JAKMIP3: variants seen among roughly 807,000 people sequenced by gnomAD.
JAKMIP3 encodes janus kinase and microtubule-interacting protein 3.
A neutral mutation model predicts 118.5 loss-of-function variants in JAKMIP3; 58 were observed. That is an observed-to-expected ratio of 0.49 (90% CI 0.40 to 0.61). The LOEUF (loss-of-function observed/expected upper bound fraction) is 0.61, where lower values mean the gene tolerates loss of function less well. JAKMIP3 is among the 20% of genes least tolerant of loss of function. JAKMIP3 has a pLI of 0.00. For synonymous variants in JAKMIP3, 486 were observed against 451.2 expected (o/e 1.08, Z -0.98); for missense variants, 950 against 1,109.0 (o/e 0.86, Z 2.04).
At chr10:132,102,527 G>T (rs1193643051) in intron 1 of JAKMIP3, among the ~76,000 whole-genome samples, 1 of 152,224 alleles carries the variant, frequency 6.6e-6, no homozygotes, top group Non-Finnish European at 1.5e-5. Flanking sequence ...CCCCATCCAG[G>T]TGGAGGCCGG....
Position 132,184,526 on chromosome 10 carries a change from GC to G in JAKMIP3, c.*3274del, listed in dbSNP as rs1427741875. On this transcript the variant is annotated 3_prime_UTR_variant, in exon 24 of 24. Coordinates refer to ENST00000684848, the MANE Select transcript of JAKMIP3 (RefSeq NM_001323087.2). ...TTGTTTACTGTATATTTTTTAAAAA[GC>G]TTTATTGTAAATTTATGCAAAAACT... 2 of 152,162 alleles carry G rather than the reference GC, an allele frequency of 1.3e-5. No individual in the cohort carries two copies. The highest frequency in any genetic ancestry group is 2.4e-5 in the African/African-American group (1 of 41,448). 9.4% of individuals were successfully genotyped at this position (152,162 alleles called of 1,614,324 possible).
chr10:132,134,962 C>T (rs2051445628), intron 4 of JAKMIP3, 79 bp from the exon 5 acceptor site: 6 of 1,552,162 alleles, frequency 3.9e-6, no homozygotes, highest in African/African-American at 2.7e-5. Context: ...CGTTTTTGTT[C>T]CCGTAGCGTG....
intron 1 of JAKMIP3, among the ~76,000 whole-genome samples, chr10:132,053,953 C>G (rs1424764691): frequency 6.7e-6 from 1 of 149,066 alleles, no homozygotes; most frequent in Non-Finnish European, 1.5e-5. Flanking sequence ...GGCAGGAGAA[C>G]AGCATGAACC....
Position 132,168,293 on chromosome 10 carries a change from A to G in JAKMIP3, c.*363A>G. ...GCAGGGGTGAGAACTGCTTCTGTGC[A>G]GAAGCACCAGCCGCGGGTCCCCTCC... On this transcript the variant is annotated 3_prime_UTR_variant, in exon 23 of 24. Coordinates refer to ENST00000684848, the MANE Select transcript of JAKMIP3 (RefSeq NM_001323087.2). The G allele has an allele frequency of 1.6e-6, 2 of 1,289,512 alleles. No homozygotes were observed. The highest frequency in any genetic ancestry group is 2.0e-6 in the Non-Finnish European group (2 of 988,798). The allele number at this position is 1,289,512 out of a possible 1,614,324, so 79.9% of individuals were successfully genotyped here. A position where few individuals can be genotyped will look rare whatever the true frequency, so the allele number is the denominator to read the frequency against.
chr10:132,147,872 C>T (rs1271439751), intron 13 of JAKMIP3, 80 bp from the exon 14 acceptor site: 12 of 1,023,798 alleles, frequency 1.2e-5, no homozygotes, highest in African/African-American at 1.1e-4. Context: ...GCAGCTGTCC[C>T]GTCAGCCTGG....
intron 23 of JAKMIP3, among the ~76,000 whole-genome samples, chr10:132,177,399 G>A (rs140915828): frequency 3.3e-5 from 5 of 152,372 alleles, no homozygotes; most frequent in African/African-American, 9.6e-5. Context: ...TGGGGGGAGT[G>A]TGCCTGTGCA....
chr10:132,090,495 C>T (rs964932006), intron 1 of JAKMIP3, among the ~76,000 whole-genome samples: 17 of 152,258 alleles, frequency 1.1e-4, no homozygotes, highest in East Asian at 3.9e-4. Flanking sequence ...AGTTTATTTG[C>T]GTAGAGGTGT....
rs1347001720 is a variant in JAKMIP3, at chr10:132,180,714, T to TGTGCGC, written c.*1104-1640_*1104-1639insCGCGTG. ...GTGCGTGCGTGTGTGTGTGCGCGTG[T>TGTGCGC]GTGTGCGTGTGTGTGCGTGTGTGCG... is the stretch of plus-strand genomic sequence containing the variant. On this transcript the variant is annotated intron_variant, in intron 23 of 23. Coordinates refer to ENST00000684848, the MANE Select transcript of JAKMIP3 (RefSeq NM_001323087.2). Among the ~76,000 whole-genome samples, 13 of 26,610 alleles carry TGTGCGC rather than the reference T, an allele frequency of 4.9e-4. 1 individual carries two copies. Among genetic ancestry groups the TGTGCGC allele is most frequent in the South Asian group, 3.4e-3 (2 of 584 alleles). 17.5% of individuals were successfully genotyped at this position (26,610 alleles called of 152,430 possible).
At position 132,182,133 on chromosome 10, in the gene JAKMIP3, C is replaced by A. The variant is rs376476298; in HGVS notation, c.*1104-224C>A. 3.3e-5 allele frequency among the ~76,000 whole-genome samples: 5 copies of A among 152,186 alleles called. No homozygotes were observed. In the East Asian group the frequency reaches 5.8e-4, roughly 18 times the overall value. ...TGGACTCATCTTCCTGAGAGTGTGG[C>A]CTTCGGTGGGTGCCAGGTGCGTCTC... On this transcript the variant is annotated intron_variant, in intron 23 of 23. Transcript: ENST00000684848.
intron 17 of JAKMIP3, among the ~76,000 whole-genome samples, chr10:132,153,281 A>G (rs2056547609): frequency 6.6e-6 from 1 of 152,180 alleles, no homozygotes; most frequent in Non-Finnish European, 1.5e-5. Flanking sequence ...GCGGGAAGGT[A>G]TGGTGAGTCT....
At chr10:132,070,292 T>C (rs901055367) in intron 1 of JAKMIP3, among the ~76,000 whole-genome samples, 2 of 152,084 alleles carry the variant, frequency 1.3e-5, no homozygotes, top group Non-Finnish European at 2.9e-5. Flanking sequence ...GAATTACAGG[T>C]GTCCGCCACC....
intron 1 of JAKMIP3, among the ~76,000 whole-genome samples, chr10:132,085,503 C>T (rs1169641368): frequency 6.9e-6 from 1 of 144,410 alleles, no homozygotes; most frequent in Admixed American, 6.9e-5. Context: ...TTTTCTCTCT[C>T]TTTTTTTTTT....
intron 19 of JAKMIP3, among the ~76,000 whole-genome samples, chr10:132,156,295 C>T (rs1043151448): frequency 6.6e-6 from 1 of 152,224 alleles, no homozygotes; most frequent in South Asian, 2.1e-4. Context: ...CCATCCTGCT[C>T]ATGCTGATTG....
At chr10:132,073,493 CTT>C (rs59985814) in intron 1 of JAKMIP3, among the ~76,000 whole-genome samples, 3,824 of 134,798 alleles carry the variant, frequency 0.028, 110 homozygotes, top group African/African-American at 0.064. Context: ...CCTATCTTTA[CTT>C]TTTTTTTTTT....
intron 23 of JAKMIP3, among the ~76,000 whole-genome samples, chr10:132,175,030 G>C (rs1203790252): frequency 2.0e-5 from 3 of 152,140 alleles, no homozygotes; most frequent in Non-Finnish European, 4.4e-5. Context: ...ATACACCGCT[G>C]AAAAGTATTT....
chr10:132,182,029 T>C (rs1035030981), intron 23 of JAKMIP3, among the ~76,000 whole-genome samples: 3 of 152,256 alleles, frequency 2.0e-5, no homozygotes, highest in Non-Finnish European at 2.9e-5. Context: ...ATGAGGGAAG[T>C]TGGGTAGAAA....
chr10:132,159,794 T>TGCGGGGGGGTCTATTCCTGTGTCTTACTG (rs1231644287), intron 19 of JAKMIP3, among the ~76,000 whole-genome samples: 1 of 27,322 alleles, frequency 3.7e-5, no homozygotes, highest in Non-Finnish European at 6.4e-5. Flanking sequence ...TGTGTGATGC[T>TGCGGGGGGGTCTATTCCTGTGTCTTACTG]GGGGGGCCTC....
chr10:132,176,867 C>A (rs1039834906), intron 23 of JAKMIP3, among the ~76,000 whole-genome samples: 1 of 151,974 alleles, frequency 6.6e-6, no homozygotes, highest in Non-Finnish European at 1.5e-5. Context: ...TGCCGCGACT[C>A]CTCATGGGTC....
chr10:132,180,580 C>CGCGCGTGTGCGTGCGT (rs1554962863), intron 23 of JAKMIP3, among the ~76,000 whole-genome samples: 1 of 12,988 alleles, frequency 7.7e-5, no homozygotes, highest in Admixed American at 6.8e-4. Context: ...TGTGTGTGTG[C>CGCGCGTGTGCGTGCGT]GTGCGCGTGT....
Sources: gnomAD v4.1 joint callset for allele counts (sites outside exome capture counted in the v4.1 genomes callset) on GRCh38, gnomAD v4.1.1 for gene constraint, MANE v1.5 for transcripts, NCBI Gene and HGNC (gene_info 2026-07-23, HGNC 2026-07-21) for gene names.